Variants in TMEM132E observed in about 807,000 individuals in gnomAD.
TMEM132E encodes the protein transmembrane protein 132E.
Under a neutral mutation model 78.5 loss-of-function variants are expected in TMEM132E, and 49 were observed. That is an observed-to-expected ratio of 0.62 (90% CI 0.50 to 0.79). TMEM132E has a LOEUF of 0.79. Among genes scored for constraint, TMEM132E ranks in the 30% least tolerant of loss-of-function variants. The pLI, the probability that TMEM132E is intolerant of heterozygous loss-of-function variation, is 0.00. For synonymous variants in TMEM132E, 715 were observed against 670.6 expected (o/e 1.07, Z -1.02); for missense variants, 1,403 against 1,470.9 (o/e 0.95, Z 0.75).
chr17:34,635,307 C>G lies in TMEM132E; in HGVS notation c.1977+220C>G, dbSNP rs372430754. Among the ~76,000 whole-genome samples the G allele has an allele frequency of 2.0e-4, 30 of 152,274 alleles. No homozygotes were observed. In the East Asian group the frequency reaches 2.7e-3, roughly 14 times the overall value. ...CTTTATCAATCCTCAGTGTGGGTGA[C>G]TCAAGCAGACCCCTCCCTGAGAGCA... On this transcript the variant is annotated intron_variant, in intron 7 of 8. Transcript: ENST00000631683.
Position 34,638,264 on chromosome 17 carries a change from C to CA in TMEM132E, c.*32_*33insA, listed in dbSNP as rs1555565378. The CA allele has an allele frequency of 2.7e-6, 4 of 1,473,358 alleles. No homozygotes were observed. Among genetic ancestry groups the CA allele is most frequent in the Middle Eastern group, 4.0e-4 (2 of 5,036 alleles). 91.3% of individuals were successfully genotyped at this position (1,473,358 alleles called of 1,614,324 possible). A position where few individuals can be genotyped will look rare whatever the true frequency, so the allele number is the denominator to read the frequency against. On this transcript the variant is annotated 3_prime_UTR_variant, in exon 9 of 9. Transcript: ENST00000631683. ...CAGCCGGAGTAGCAGGGACCCCCCC[C>CA]CCCAACGGGGTCAGCTCGGGGTAGG...
intron 7 of TMEM132E, 84 bp downstream of exon 7, chr17:34,635,171 C>A: frequency 1.4e-6 from 2 of 1,418,800 alleles, no homozygotes; most frequent in Middle Eastern, 2.5e-4. Context: ...ATTTTCCTAA[C>A]CCCAACTGGC....
intron 1 of TMEM132E, among the ~76,000 whole-genome samples, chr17:34,612,866 G>GT (rs1232149016): frequency 6.6e-6 from 1 of 152,038 alleles, no homozygotes; most frequent in African/African-American, 2.4e-5. Flanking sequence ...TCCGTCACTG[G>GT]GGGGGGCAGT....
At chr17:34,583,953 A>C (rs1905580154) in intron 1 of TMEM132E, among the ~76,000 whole-genome samples, 1 of 152,204 alleles carries the variant, frequency 6.6e-6, no homozygotes, top group African/African-American at 2.4e-5. Flanking sequence ...CTTCCAGGGA[A>C]CATCTGTGAA....
At chr17:34,600,632 T>C (rs1486776090) in intron 1 of TMEM132E, among the ~76,000 whole-genome samples, 1 of 151,930 alleles carries the variant, frequency 6.6e-6, no homozygotes, top group Non-Finnish European at 1.5e-5. Flanking sequence ...GAGTGACTGC[T>C]AAGGAGAGAA....
chr17:34,605,088 T>C (rs1906369557), intron 1 of TMEM132E, among the ~76,000 whole-genome samples: 1 of 152,180 alleles, frequency 6.6e-6, no homozygotes, highest in African/African-American at 2.4e-5. Context: ...TGTGATTTCG[T>C]AGGCTGCACT....
chr17:34,589,950 T>C (rs1905809414), intron 1 of TMEM132E, among the ~76,000 whole-genome samples: 1 of 152,168 alleles, frequency 6.6e-6, no homozygotes, highest in Non-Finnish European at 1.5e-5. Flanking sequence ...AGAGAAATGA[T>C]CTCAATTTTC....
intron 1 of TMEM132E, among the ~76,000 whole-genome samples, chr17:34,611,298 G>T (rs1886926748): frequency 6.6e-6 from 1 of 152,214 alleles, no homozygotes; most frequent in South Asian, 2.1e-4. Context: ...GGAAAAGTTG[G>T]ATTGGGAAGT....
intron 1 of TMEM132E, among the ~76,000 whole-genome samples, chr17:34,602,613 AG>A (rs989298097): frequency 3.3e-5 from 5 of 152,218 alleles, no homozygotes; most frequent in Non-Finnish European, 7.3e-5. Flanking sequence ...GAAGACCCAG[AG>A]CTTCAGCATC....
intron 6 of TMEM132E, 103 bp downstream of exon 6, chr17:34,633,012 T>G: frequency 2.3e-6 from 3 of 1,293,084 alleles, no homozygotes; most frequent in Non-Finnish European, 3.3e-6. Flanking sequence ...TTGGTATACA[T>G]AGTCTGTAGG....
At position 34,630,170 on chromosome 17, in the gene TMEM132E, G is replaced by C; in HGVS notation, c.1482+19G>C. 6.2e-7 allele frequency: 1 copy of C among 1,602,844 alleles called. No individual in the cohort carries two copies. The highest frequency in any genetic ancestry group is 8.5e-7 in the Non-Finnish European group (1 of 1,171,266). Reference sequence around the variant, plus strand: ...CATCAAGGTGGGCATCCTGGAGGTGGGGCCCCTGGGGAAGAAGCCCTAGGC... The same window carrying C: ...CATCAAGGTGGGCATCCTGGAGGTGCGGCCCCTGGGGAAGAAGCCCTAGGC... On this transcript the variant is annotated intron_variant, in intron 5 of 8. Coordinates refer to ENST00000631683, the MANE Select transcript of TMEM132E (RefSeq NM_001304438.2).
chr17:34,598,221 G>C (rs1021169974), intron 1 of TMEM132E, among the ~76,000 whole-genome samples: 4 of 152,064 alleles, frequency 2.6e-5, no homozygotes, highest in African/African-American at 9.7e-5. Context: ...AGAGAGCCCA[G>C]CTGGCAAGTT....
At chr17:34,610,744 G>A (rs750539273) in intron 1 of TMEM132E, among the ~76,000 whole-genome samples, 2 of 152,200 alleles carry the variant, frequency 1.3e-5, no homozygotes, top group South Asian at 4.1e-4. Context: ...CAAGAACAGG[G>A]AGCGGGAGCA....
rs750215210 is a variant in TMEM132E at position 34,630,119 on chromosome 17, G to A, written c.1450G>A (p.Glu484Lys). The change falls in exon 5 of 9, where the codon GAA (glutamate) becomes AAA (lysine). Residue 484 changes from glutamate to lysine, a missense_variant. Around this residue, in one of 3 missense-constraint regions of TMEM132E, gnomAD observed 888 missense variants for 952.8 expected, o/e 0.93. Transcript: ENST00000631683. ...CGTCCTGGACATCTCCGCCCTAGTG[G>A]AATGCGAGTCTGACAATGAAGACAT... ...GLVLDISALV[E>K]CESDNEDIIK... The A allele has an allele frequency of 6.2e-7, 1 of 1,613,268 alleles. No homozygotes were observed. The highest frequency in any genetic ancestry group is 1.1e-5 in the South Asian group (1 of 91,052).
intron 5 of TMEM132E, among the ~76,000 whole-genome samples, chr17:34,631,197 TG>T (rs1213095196): frequency 6.6e-6 from 1 of 152,212 alleles, no homozygotes; most frequent in African/African-American, 2.4e-5. Context: ...GCTTTGCCTT[TG>T]GGTCCCTCCA....
intron 1 of TMEM132E, among the ~76,000 whole-genome samples, chr17:34,594,446 C>T (rs936184472): frequency 6.6e-6 from 1 of 152,184 alleles, no homozygotes; most frequent in Admixed American, 6.5e-5. Context: ...CTCTGTGGCT[C>T]CGTTTCCACG....
At chr17:34,601,502 G>T (rs1906238170) in intron 1 of TMEM132E, among the ~76,000 whole-genome samples, 1 of 152,200 alleles carries the variant, frequency 6.6e-6, no homozygotes, top group Admixed American at 6.5e-5. Flanking sequence ...GCCCTACTTT[G>T]TACTGATGGA....
chr17:34,609,111 G>A (rs377055737), intron 1 of TMEM132E, among the ~76,000 whole-genome samples: 7 of 152,182 alleles, frequency 4.6e-5, no homozygotes, highest in African/African-American at 1.7e-4. Flanking sequence ...TTGTAAAATG[G>A]GGGTGAATCA....
chr17:34,618,948 A>G (rs1906867336), intron 1 of TMEM132E, among the ~76,000 whole-genome samples: 2 of 152,210 alleles, frequency 1.3e-5, no homozygotes, highest in South Asian at 2.1e-4. Context: ...CTCCCAGTTC[A>G]GAGCCCTCTT....
Sources: allele counts gnomAD v4.1 joint callset (sites outside exome capture counted in the v4.1 genomes callset), GRCh38; gene constraint gnomAD v4.1.1; regional missense constraint gnomAD v4.1.1; transcripts MANE v1.5; gene names NCBI Gene and HGNC (gene_info 2026-07-23, HGNC 2026-07-21).